Variants in CNTNAP2 observed in about 807,000 individuals in gnomAD.
CNTNAP2 encodes the protein contactin associated protein 2, also known as contactin-associated protein-like 2.
A neutral mutation model predicts 155.2 loss-of-function variants in CNTNAP2; 98 were observed. The observed-to-expected ratio is 0.63, with a 90% CI of 0.54 to 0.75. The LOEUF is 0.75. Among genes scored for constraint, CNTNAP2 ranks in the 30% least tolerant of loss-of-function variants. The pLI is 0.00. For synonymous variants in CNTNAP2, 651 were observed against 631.2 expected, an observed-to-expected ratio of 1.03 and a Z score of -0.47; for missense variants, 1,727 against 1,688.1, an observed-to-expected ratio of 1.02 and a Z score of -0.40.
rs756812096 is a variant in CNTNAP2, at chr7:147,132,457, T to C, written c.1296T>C (p.Gly432=). ...TTGACCTCACTGAAAGCAAAGTGGG[T>C]GTTCACATCAACATCACACAGACCA... ...VEIDLTESKV[G]VHINITQTKM... is the part of the protein sequence containing the mutation. Residue 432 remains glycine, a synonymous_variant, in exon 8 of 24, where the codon GGT becomes GGC. Coordinates refer to ENST00000361727, the MANE Select transcript of CNTNAP2 (RefSeq NM_014141.6). 1 of 1,613,660 alleles carries C rather than the reference T, an allele frequency of 6.2e-7. No homozygotes were observed. Among genetic ancestry groups the C allele is most frequent in the South Asian group, 1.1e-5 (1 of 91,078 alleles).
At chr7:146,436,871 C>T (rs978411242) in intron 1 of CNTNAP2, among the ~76,000 whole-genome samples, 26 of 151,540 alleles carry the variant, frequency 1.7e-4, no homozygotes, top group Non-Finnish European at 2.1e-4. Flanking sequence ...AGTAGACTGC[C>T]CTGTTGACAA....
intron 1 of CNTNAP2, among the ~76,000 whole-genome samples, chr7:146,255,714 G>A (rs112144453): frequency 0.041 from 6,293 of 152,244 alleles, 392 homozygotes; most frequent in African/African-American, 0.14. Flanking sequence ...GGTATAATTA[G>A]ACAGAGAGAC....
At chr7:147,090,776 A>G (rs947284485) in intron 4 of CNTNAP2, among the ~76,000 whole-genome samples, 4 of 152,166 alleles carry the variant, frequency 2.6e-5, no homozygotes, top group African/African-American at 9.7e-5. Context: ...TTTTGCTGCA[A>G]TTGGCTAATT....
chr7:146,716,628 A>G (rs1222614432), intron 1 of CNTNAP2, among the ~76,000 whole-genome samples: 4 of 152,178 alleles, frequency 2.6e-5, no homozygotes, highest in African/African-American at 4.8e-5. Context: ...CTATCATTCT[A>G]TAAACCACCT....
At chr7:146,483,478 T>G (rs1363484766) in intron 1 of CNTNAP2, among the ~76,000 whole-genome samples, 2 of 150,262 alleles carry the variant, frequency 1.3e-5, no homozygotes, top group African/African-American at 4.9e-5. Flanking sequence ...AACACAGGTC[T>G]TATTTTTAAA....
chr7:146,851,174 C>T (rs1202556947), intron 3 of CNTNAP2, among the ~76,000 whole-genome samples: 1 of 151,812 alleles, frequency 6.6e-6, no homozygotes, highest in Non-Finnish European at 1.5e-5. Flanking sequence ...TAATAGAGGT[C>T]GGGTTTTGCC....
intron 2 of CNTNAP2, among the ~76,000 whole-genome samples, chr7:146,794,571 G>T (rs888776853): frequency 9.2e-5 from 14 of 152,188 alleles, no homozygotes; most frequent in Non-Finnish European, 1.3e-4. Context: ...AGTCATGGGG[G>T]TAGGTATGAT....
chr7:147,166,908 C>T lies in CNTNAP2; in HGVS notation c.1348+34399C>T, dbSNP rs1352067854. 7.2e-5 allele frequency among the ~76,000 whole-genome samples: 11 copies of T among 151,970 alleles called. No individual in the cohort carries two copies. In the East Asian group the frequency reaches 1.7e-3, roughly 24 times the overall value. On this transcript the variant is annotated intron_variant, in intron 8 of 23. Transcript: ENST00000361727. ...TGATGGCTTAGCTTGGGCTCAGAGGCCTGACATTAAGATAATAAAATAAAA... is the reference window on the plus strand; with the variant it reads ...TGATGGCTTAGCTTGGGCTCAGAGGTCTGACATTAAGATAATAAAATAAAA...
intron 1 of CNTNAP2, among the ~76,000 whole-genome samples, chr7:146,244,669 G>A (rs1184388789): frequency 8.0e-5 from 12 of 150,618 alleles, no homozygotes; most frequent in African/African-American, 2.5e-4. Context: ...AATACTAAGA[G>A]CCTGAAAAAC....
chr7:146,912,410 C>T (rs1302664985), intron 3 of CNTNAP2, among the ~76,000 whole-genome samples: 1 of 151,966 alleles, frequency 6.6e-6, no homozygotes, highest in East Asian at 1.9e-4. Flanking sequence ...TGGAAAATTA[C>T]ATTTTTTATC....
At chr7:147,706,488 G>A (rs535215637) in intron 13 of CNTNAP2, among the ~76,000 whole-genome samples, 1 of 152,094 alleles carries the variant, frequency 6.6e-6, no homozygotes, top group East Asian at 1.9e-4. Flanking sequence ...TCTGCTGAGA[G>A]ATTCACTGTT....
intron 2 of CNTNAP2, among the ~76,000 whole-genome samples, chr7:146,799,884 G>A (rs536000021): frequency 3.2e-4 from 48 of 152,230 alleles, no homozygotes; most frequent in African/African-American, 1.1e-3. Context: ...GAGTTTAATA[G>A]TGTATAAAAT....
At chr7:147,852,795 T>A (rs889996468) in intron 13 of CNTNAP2, among the ~76,000 whole-genome samples, 1 of 152,176 alleles carries the variant, frequency 6.6e-6, no homozygotes, top group Non-Finnish European at 1.5e-5. Context: ...CTAGACATTT[T>A]AGATATTATT....
chr7:146,401,041 A>G (rs1795706821), intron 1 of CNTNAP2, among the ~76,000 whole-genome samples: 1 of 152,218 alleles, frequency 6.6e-6, no homozygotes, highest in Non-Finnish European at 1.5e-5. Context: ...AAAGTCTTCC[A>G]GAACACATTT....
intron 3 of CNTNAP2, among the ~76,000 whole-genome samples, chr7:146,926,736 A>T (rs1404923367): frequency 6.6e-6 from 1 of 152,156 alleles, no homozygotes; most frequent in African/African-American, 2.4e-5. Context: ...ATTTCACCTA[A>T]ATATAAATAT....
intron 18 of CNTNAP2, among the ~76,000 whole-genome samples, chr7:148,186,891 C>T (rs1206907955): frequency 1.3e-5 from 2 of 152,134 alleles, no homozygotes; most frequent in Non-Finnish European, 2.9e-5. Flanking sequence ...CCCCAGGAGG[C>T]CTTGAAAGAT....
intron 13 of CNTNAP2, among the ~76,000 whole-genome samples, chr7:147,679,210 A>G (rs1422460989): frequency 6.6e-6 from 1 of 151,944 alleles, no homozygotes; most frequent in Non-Finnish European, 1.5e-5. Context: ...GATTTAAGGA[A>G]AAAGCTCTCT....
intron 14 of CNTNAP2, among the ~76,000 whole-genome samples, chr7:147,930,004 C>T (rs1030306442): frequency 7.2e-5 from 11 of 152,080 alleles, no homozygotes; most frequent in African/African-American, 2.7e-4. Context: ...GGAGCTCAGG[C>T]GGGAATGCTC....
intron 1 of CNTNAP2, among the ~76,000 whole-genome samples, chr7:146,709,779 G>A (rs551027375): frequency 6.6e-6 from 1 of 152,214 alleles, no homozygotes; most frequent in East Asian, 1.9e-4. Flanking sequence ...TATGAACTCT[G>A]GGTGTGGGGT....
Sources: allele counts gnomAD v4.1 joint callset (sites outside exome capture counted in the v4.1 genomes callset), GRCh38; gene constraint gnomAD v4.1.1; transcripts MANE v1.5; gene names NCBI Gene and HGNC (gene_info 2026-07-23, HGNC 2026-07-21).